The following MIS18A variants were observed in gnomAD, a reference collection of about 807,000 sequenced individuals.
MIS18A encodes the protein MIS18 kinetochore protein A.
A neutral mutation model predicts 25.0 loss-of-function variants in MIS18A; 14 were observed. The ratio of observed to expected loss-of-function variants is 0.56; its 90% CI spans 0.37 to 0.88. The LOEUF is 0.88. Among genes scored for constraint, MIS18A ranks in the 40% least tolerant of loss-of-function variants. MIS18A has a pLI of 0.00. For missense variants in MIS18A, 292 were observed against 290.8 expected (o/e 1.00, Z -0.03); for synonymous variants, 134 against 118.6 (o/e 1.13, Z -0.84).
the MIS18A span, among the ~76,000 whole-genome samples, chr21:32,216,358 C>G: frequency 6.6e-6 from 1 of 152,216 alleles, no homozygotes. Flanking sequence ...AGTTCCATTT[C>G]CAGAGAACTG....
At chr21:32,253,810 A>G in the MIS18A span, among the ~76,000 whole-genome samples, 1 of 152,180 alleles carries the variant, frequency 6.6e-6, no homozygotes, top group Non-Finnish European at 1.5e-5. Flanking sequence ...CACAGCTTCC[A>G]AATTACTCAA....
the MIS18A span, among the ~76,000 whole-genome samples, chr21:32,236,694 C>T: frequency 6.6e-6 from 1 of 152,132 alleles, no homozygotes; most frequent in Non-Finnish European, 1.5e-5. Flanking sequence ...ATGCCCCTTC[C>T]TTTTAAGGGC....
the MIS18A span, among the ~76,000 whole-genome samples, chr21:32,203,212 T>TCA: frequency 4.0e-5 from 6 of 150,160 alleles, no homozygotes. Context: ...CTCCATAAGG[T>TCA]CAATTATCCT....
At chr21:32,240,354 G>A in the MIS18A span, among the ~76,000 whole-genome samples, 5 of 152,204 alleles carry the variant, frequency 3.3e-5, no homozygotes, top group East Asian at 3.9e-4. Flanking sequence ...TGTCCCTTCC[G>A]CCACATGAGT....
the MIS18A span, among the ~76,000 whole-genome samples, chr21:32,186,058 G>C: frequency 2.6e-5 from 4 of 152,002 alleles, no homozygotes; most frequent in African/African-American, 9.7e-5. Context: ...TAATTTTGCT[G>C]CTGACAATGC....
the MIS18A span, among the ~76,000 whole-genome samples, chr21:32,220,261 C>T: frequency 3.9e-5 from 6 of 152,180 alleles, no homozygotes; most frequent in East Asian, 1.9e-4. Context: ...CCCTCTGGGA[C>T]GAAGCTTCCA....
the MIS18A span, among the ~76,000 whole-genome samples, chr21:32,218,361 T>C: frequency 1.3e-5 from 2 of 152,176 alleles, no homozygotes; most frequent in Non-Finnish European, 2.9e-5. Context: ...CTGGTGAAGA[T>C]AACTACGTAG....
chr21:32,274,293 C>T (rs1404060261), intron 2 of MIS18A, among the ~76,000 whole-genome samples: 2 of 145,196 alleles, frequency 1.4e-5, no homozygotes, highest in Non-Finnish European at 3.0e-5. Context: ...CAACCTCCAC[C>T]TCCGTAGTTC....
At chr21:32,266,446 C>T (rs906256526), downstream of MIS18A, among the ~76,000 whole-genome samples, 12 of 151,998 alleles carry the variant, frequency 7.9e-5, no homozygotes, top group East Asian at 1.9e-4. Context: ...TTTGTTTTTT[C>T]GCTCTTTGCA....
At chr21:32,160,285 AACACACACACACACAC>A in the MIS18A span, among the ~76,000 whole-genome samples, 120 of 145,612 alleles carry the variant, frequency 8.2e-4, no homozygotes, top group Admixed American at 1.0e-3. Flanking sequence ...ACACCTCTGC[AACACACACACACACAC>A]ACACACACAC....
At chr21:32,263,161 C>T in the MIS18A span, among the ~76,000 whole-genome samples, 2 of 152,230 alleles carry the variant, frequency 1.3e-5, no homozygotes, top group African/African-American at 4.8e-5. Flanking sequence ...TGGCAAGCAA[C>T]TGCCCAGTTA....
At chr21:32,167,262 T>C in the MIS18A span, among the ~76,000 whole-genome samples, 4 of 152,110 alleles carry the variant, frequency 2.6e-5, no homozygotes, top group African/African-American at 7.2e-5. Flanking sequence ...CAGCCTTCAA[T>C]TGAAAATTAT....
chr21:32,222,224 A>G, the MIS18A span, among the ~76,000 whole-genome samples: 3 of 152,236 alleles, frequency 2.0e-5, no homozygotes, highest in Non-Finnish European at 4.4e-5. Flanking sequence ...AAAGGGATCA[A>G]TGCAACAAGA....
the MIS18A span, among the ~76,000 whole-genome samples, chr21:32,262,485 G>A: frequency 6.6e-6 from 1 of 152,196 alleles, no homozygotes; most frequent in Non-Finnish European, 1.5e-5. Context: ...TCCTGGTAAG[G>A]GTGGACAACG....
chr21:32,161,653 G>A, the MIS18A span, among the ~76,000 whole-genome samples: 4 of 148,894 alleles, frequency 2.7e-5, no homozygotes, highest in East Asian at 2.0e-4. Flanking sequence ...CACCACACCC[G>A]GCTAAATTTA....
the MIS18A span, among the ~76,000 whole-genome samples, chr21:32,216,512 A>G: frequency 2.0e-5 from 3 of 152,262 alleles, no homozygotes; most frequent in Admixed American, 1.3e-4. Flanking sequence ...TGCCTGAGGC[A>G]GTAGATAGCA....
the MIS18A span, among the ~76,000 whole-genome samples, chr21:32,218,075 C>A: frequency 6.6e-6 from 1 of 151,466 alleles, no homozygotes; most frequent in Admixed American, 6.6e-5. Context: ...CGCCTGTAGT[C>A]CCAGCTACTT....
the MIS18A span, among the ~76,000 whole-genome samples, chr21:32,203,231 C>T: frequency 6.6e-6 from 1 of 150,866 alleles, no homozygotes. Flanking sequence ...CTAAGAGGAA[C>T]TCCAGAAAGA....
the MIS18A span, among the ~76,000 whole-genome samples, chr21:32,184,481 ATC>A: frequency 9.2e-5 from 14 of 152,218 alleles, no homozygotes; most frequent in East Asian, 2.5e-3. Context: ...TTTTTTCACA[ATC>A]TCTGTTCTTA....
Sources: allele counts gnomAD v4.1 joint callset (sites outside exome capture counted in the v4.1 genomes callset), GRCh38; gene constraint gnomAD v4.1.1; transcripts MANE v1.5; gene names NCBI Gene and HGNC (gene_info 2026-07-23, HGNC 2026-07-21).